Variants in MECOM observed in about 807,000 individuals in gnomAD.
MECOM encodes MDS1 and EVI1 complex locus, also known as histone-lysine N-methyltransferase MECOM.
In MECOM, 13 loss-of-function variants were observed where a neutral mutation model predicts 116.3. The ratio of observed to expected loss-of-function variants is 0.11; its 90% CI spans 0.07 to 0.18. MECOM has a LOEUF of 0.18. Among genes scored for constraint, MECOM ranks in the 10% least tolerant of loss-of-function variants. The pLI, the probability that MECOM is intolerant of heterozygous loss-of-function variation, is 1.00. For synonymous variants in MECOM, 528 were observed against 535.2 expected (o/e 0.99, Z 0.19); for missense variants, 1,299 against 1,509.0 (o/e 0.86, Z 2.31).
Position 169,084,253 on chromosome 3 carries a change from T to G in MECOM, c.*656A>C, listed in dbSNP as rs939951133. 4.3e-6 allele frequency: 1 copy of G among 231,386 alleles called. No individual in the cohort carries two copies. The highest frequency in any genetic ancestry group is 2.2e-5 in the African/African-American group (1 of 45,396). 14.3% of individuals were successfully genotyped at this position (231,386 alleles called of 1,614,324 possible). A position where few individuals can be genotyped will look rare whatever the true frequency, so the allele number is the denominator to read the frequency against. ...GCGGTACTGGTGATGAATAGGTTAC[T>G]TCACTGACTTAACCTCTTTGAGTGT... On this transcript the variant is annotated 3_prime_UTR_variant, in exon 17 of 17. Coordinates refer to ENST00000651503, the MANE Select transcript of MECOM (RefSeq NM_004991.4).
At chr3:169,448,624 C>T (rs1309451437) in intron 1 of MECOM, among the ~76,000 whole-genome samples, 2 of 152,218 alleles carry the variant, frequency 1.3e-5, no homozygotes, top group South Asian at 2.1e-4. Flanking sequence ...GCATGTGAGA[C>T]CCCTGGCCTG....
intron 2 of MECOM, among the ~76,000 whole-genome samples, chr3:169,336,445 A>AT (rs758113167): frequency 2.9e-4 from 44 of 149,174 alleles, no homozygotes; most frequent in Middle Eastern, 3.5e-3. Context: ...AAGTTACACT[A>AT]TTTTTTTTTT....
At chr3:169,173,172 CCTT>C (rs1337571496) in intron 2 of MECOM, among the ~76,000 whole-genome samples, 2 of 152,110 alleles carry the variant, frequency 1.3e-5, no homozygotes, top group Non-Finnish European at 2.9e-5. Flanking sequence ...ACCACTTCCT[CCTT>C]CTTGAAATGA....
chr3:169,164,443 G>A lies in MECOM; in HGVS notation c.376-20611C>T, dbSNP rs996835901. ...CAGTCTTGGGTATATCTTTATCAGC[G>A]GCATGAAAACCGACTAATACAACAG... is the stretch of plus-strand genomic sequence containing the variant. On this transcript the variant is annotated intron_variant, in intron 2 of 16. Transcript: ENST00000651503. Among the ~76,000 whole-genome samples, 8 of 151,930 alleles carry A rather than the reference G, an allele frequency of 5.3e-5. No homozygotes were observed. In the South Asian group the frequency reaches 1.0e-3, roughly 20 times the overall value.
At chr3:169,466,833 T>C (rs1296063918) in intron 1 of MECOM, among the ~76,000 whole-genome samples, 3 of 152,184 alleles carry the variant, frequency 2.0e-5, no homozygotes, top group African/African-American at 7.2e-5. Flanking sequence ...ATAAAATTCA[T>C]CAATCCTAAT....
At chr3:169,382,546 C>T (rs989884613) in intron 1 of MECOM, among the ~76,000 whole-genome samples, 2 of 108,682 alleles carry the variant, frequency 1.8e-5, no homozygotes, top group Non-Finnish European at 4.0e-5. Flanking sequence ...TGTCTTAGAG[C>T]AAATGAATAC....
At chr3:169,358,195 T>C (rs1727595233) in intron 2 of MECOM, among the ~76,000 whole-genome samples, 1 of 151,734 alleles carries the variant, frequency 6.6e-6, no homozygotes, top group Non-Finnish European at 1.5e-5. Flanking sequence ...TCTCAAGAGC[T>C]TTGATGTAAT....
At chr3:169,408,958 G>C (rs997813043) in intron 1 of MECOM, among the ~76,000 whole-genome samples, 2 of 152,078 alleles carry the variant, frequency 1.3e-5, no homozygotes, top group Admixed American at 1.3e-4. Flanking sequence ...AACCCTGTGA[G>C]TGCTTAAGAA....
intron 2 of MECOM, among the ~76,000 whole-genome samples, chr3:169,371,292 T>G: frequency 6.6e-6 from 1 of 151,926 alleles, no homozygotes; most frequent in Non-Finnish European, 1.5e-5. Flanking sequence ...TTCACTTATA[T>G]GTGGAATCTA....
At chr3:169,133,979 A>C in intron 3 of MECOM, 1 of 1,288,934 alleles carries the variant, frequency 7.8e-7, no homozygotes, top group Non-Finnish European at 1.0e-6. Context: ...TTGACATTTG[A>C]ATTGTGACAT....
chr3:169,316,583 T>G (rs943024210), intron 2 of MECOM, among the ~76,000 whole-genome samples: 1 of 152,156 alleles, frequency 6.6e-6, no homozygotes, highest in Non-Finnish European at 1.5e-5. Flanking sequence ...CAGGGTCTCA[T>G]TCTGTCACCC....
In MECOM at chr3:169,083,945, A is replaced by G. The variant is rs2148801819; in HGVS notation, c.*964T>C. On this transcript the variant is annotated 3_prime_UTR_variant, in exon 17 of 17. Coordinates refer to ENST00000651503, the MANE Select transcript of MECOM (RefSeq NM_004991.4). ...CATTAAGAAGGAAAACAAAACAAAC[A>G]AACAAAAAGGAATGTTAAGAAAAGC... The G allele has an allele frequency of 4.4e-6, 1 of 227,658 alleles. No individual in the cohort carries two copies. Among genetic ancestry groups the G allele is most frequent in the East Asian group, 6.3e-5 (1 of 15,800 alleles). The allele number at this position is 227,658 out of a possible 1,614,324, so 14.1% of individuals were successfully genotyped here.
chr3:169,200,014 G>A (rs1056894650), intron 2 of MECOM, among the ~76,000 whole-genome samples: 1 of 129,856 alleles, frequency 7.7e-6, no homozygotes, highest in Non-Finnish European at 1.7e-5. Context: ...ATAGTAAAAC[G>A]TTGTGTTCTG....
chr3:169,466,959 T>C (rs747854233), intron 1 of MECOM: 35 of 152,228 alleles, frequency 2.3e-4, no homozygotes, highest in Non-Finnish European at 3.8e-4. Context: ...TTCTGGGTTC[T>C]CAACAAATGT....
intron 1 of MECOM, among the ~76,000 whole-genome samples, chr3:169,629,725 T>A (rs1291135030): frequency 1.3e-5 from 2 of 152,226 alleles, no homozygotes; most frequent in Admixed American, 6.5e-5. Context: ...CTGGAACTAC[T>A]GAATGGTCAG....
chr3:169,491,184 T>A (rs1323290738), intron 1 of MECOM, among the ~76,000 whole-genome samples: 3 of 152,102 alleles, frequency 2.0e-5, no homozygotes, highest in Non-Finnish European at 4.4e-5. Context: ...AAAAATCAAA[T>A]GAATTATTGA....
chr3:169,164,368 A>G (rs1470383372), intron 2 of MECOM, among the ~76,000 whole-genome samples: 2 of 152,100 alleles, frequency 1.3e-5, no homozygotes, highest in Admixed American at 1.3e-4. Context: ...AGGCCTCCCT[A>G]GCTATGTGGA....
chr3:169,350,770 A>G (rs1203110375), intron 2 of MECOM, among the ~76,000 whole-genome samples: 1 of 151,852 alleles, frequency 6.6e-6, no homozygotes, highest in Non-Finnish European at 1.5e-5. Context: ...CGGATGGTAA[A>G]GTAATAACAG....
chr3:169,102,134 C>T lies in MECOM; in HGVS notation c.2697G>A (p.Met899Ile), dbSNP rs1576915960. 1.2e-6 allele frequency: 2 copies of T among 1,613,900 alleles called. No homozygotes were observed. Among genetic ancestry groups the T allele is most frequent in the African/African-American group, 1.3e-5 (1 of 75,020 alleles). The change falls in exon 11 of 17, where the codon ATG becomes ATA. Residue 899 changes from methionine (M) to isoleucine (I), a missense_variant. Met to Ile is a conservative substitution (Grantham distance 10). Around this residue, in one of 6 missense-constraint regions of MECOM, gnomAD observed 340 missense variants for 312.6 expected, o/e 1.09. Coordinates refer to ENST00000651503, the MANE Select transcript of MECOM (RefSeq NM_004991.4). ...CATTGGGAGGCGCCCTGAAGTTGAA[C>T]ATAGAGGGCACTGACTGTAAGAGCT... ...ASELLQSVPSMFNFRAPPNAL... is the reference protein window; with the variant it reads ...ASELLQSVPSIFNFRAPPNAL...
Sources: gnomAD v4.1 joint callset for allele counts (sites outside exome capture counted in the v4.1 genomes callset) on GRCh38, gnomAD v4.1.1 for gene constraint, gnomAD v4.1.1 regional missense constraint, MANE v1.5 for transcripts, NCBI Gene and HGNC (gene_info 2026-07-23, HGNC 2026-07-21) for gene names.